PTPN3: variants seen among roughly 807,000 people sequenced by gnomAD.
PTPN3 encodes protein tyrosine phosphatase non-receptor type 3.
PTPN3 carries 96 observed loss-of-function variants against 132.7 expected under a neutral mutation model. The observed-to-expected ratio is 0.72, with a 90% CI of 0.61 to 0.86. The LOEUF (loss-of-function observed/expected upper bound fraction) is 0.86. Among genes scored for constraint, PTPN3 ranks in the 40% least tolerant of loss-of-function variants. The pLI is 0.00. For missense variants in PTPN3, 1,125 were observed against 1,159.6 expected (o/e 0.97, Z 0.43); for synonymous variants, 398 against 429.0 (o/e 0.93, Z 0.89).
Position 109,422,644 on chromosome 9 carries a change from T to C in PTPN3, c.1136+74A>G, listed in dbSNP as rs1009925760. The C allele has an allele frequency of 4.1e-6, 6 of 1,456,484 alleles. No individual in the cohort carries two copies. In the Admixed American group the frequency reaches 1.3e-4, roughly 32 times the overall value. 90.2% of individuals were successfully genotyped at this position (1,456,484 alleles called of 1,614,324 possible). On this transcript the variant is annotated intron_variant, in intron 13 of 25. Coordinates refer to ENST00000374541, the MANE Select transcript of PTPN3 (RefSeq NM_002829.4). ...TCATCTATCTTTAGGAGTTTATAAG[T>C]TGAGTTTTTATTTTTAAAAGAGATA... is the stretch of plus-strand genomic sequence containing the variant.
intron 23 of PTPN3, among the ~76,000 whole-genome samples, chr9:109,382,747 GACTGT>G (rs1159085496): frequency 4.9e-5 from 7 of 143,900 alleles, no homozygotes; most frequent in African/African-American, 1.9e-4. Flanking sequence ...CACACATGCT[GACTGT>G]TTTTTTTTTT....
chr9:109,471,205 T>C (rs1201056655), intron 1 of PTPN3, among the ~76,000 whole-genome samples: 1 of 152,140 alleles, frequency 6.6e-6, no homozygotes, highest in Admixed American at 6.5e-5. Flanking sequence ...TACAGGCCTG[T>C]GCCACCACGC....
intron 1 of PTPN3, among the ~76,000 whole-genome samples, chr9:109,491,288 T>C (rs1326967728): frequency 6.6e-6 from 1 of 152,174 alleles, no homozygotes; most frequent in Admixed American, 6.5e-5. Context: ...AAAATTTGTA[T>C]TGTAGTTACG....
chr9:109,439,058 T>C lies in PTPN3; in HGVS notation c.467-824A>G, dbSNP rs749837967. 1.8e-4 allele frequency among the ~76,000 whole-genome samples: 27 copies of C among 152,110 alleles called. 1 individual carries two copies. Among genetic ancestry groups the C allele is most frequent in the Non-Finnish European group, 1.9e-4 (13 of 68,040 alleles). On this transcript the variant is annotated intron_variant, in intron 7 of 25. Transcript: ENST00000374541. ...CTGTTGTCTGCCAATGTGAATTGAA[T>C]TGTTGATGCCTATGATGTGATGGGC...
In PTPN3 at chr9:109,449,851, G is replaced by A. The variant is rs1329712338; in HGVS notation, c.369-996C>T. Reference sequence around the variant, plus strand: ...ATTCCTTCAAATTTATAAAGGCCAAGGAACTGGCTTTTTGAGATGGGAATG... The same window carrying A: ...ATTCCTTCAAATTTATAAAGGCCAAAGAACTGGCTTTTTGAGATGGGAATG... On this transcript the variant is annotated intron_variant, in intron 5 of 25. Coordinates refer to ENST00000374541, the MANE Select transcript of PTPN3 (RefSeq NM_002829.4). The A allele has an allele frequency of 8.1e-6, 8 of 985,230 alleles. No homozygotes were observed. The African/African-American group carries it at 8.7e-5, about 11-fold the overall frequency. 61.0% of individuals were successfully genotyped at this position (985,230 alleles called of 1,614,324 possible). A position where few individuals can be genotyped will look rare whatever the true frequency, so the allele number is the denominator to read the frequency against.
At chr9:109,496,012 C>T (rs899622727) in intron 1 of PTPN3, among the ~76,000 whole-genome samples, 1 of 152,370 alleles carries the variant, frequency 6.6e-6, no homozygotes, top group South Asian at 2.1e-4. Context: ...ATCTGCCATA[C>T]AGAAGTTCAA....
intron 5 of PTPN3, among the ~76,000 whole-genome samples, chr9:109,454,030 A>G (rs1393587608): frequency 6.6e-6 from 1 of 152,118 alleles, no homozygotes; most frequent in Non-Finnish European, 1.5e-5. Flanking sequence ...AAAAAAAAGA[A>G]AGAAAATTCT....
chr9:109,487,751 T>C (rs1343142774), intron 1 of PTPN3, among the ~76,000 whole-genome samples: 1 of 152,244 alleles, frequency 6.6e-6, no homozygotes, highest in Non-Finnish European at 1.5e-5. Context: ...CTTATTTCTA[T>C]AGTCAGAGAA....
intron 10 of PTPN3, chr9:109,428,954 T>C: frequency 1.0e-6 from 1 of 985,446 alleles, no homozygotes; most frequent in Non-Finnish European, 1.2e-6. Flanking sequence ...CTCTCTTTGC[T>C]ATAAGCTGCT....
chr9:109,511,983 A>T, the PTPN3 span, among the ~76,000 whole-genome samples: 2 of 152,190 alleles, frequency 1.3e-5, no homozygotes, highest in African/African-American at 4.8e-5. Flanking sequence ...AAATGAACAA[A>T]TGGATCTTGG....
intron 5 of PTPN3, chr9:109,450,602 G>A (rs543454272): frequency 2.0e-6 from 2 of 985,118 alleles, no homozygotes; most frequent in African/African-American, 1.7e-5. Context: ...CCGAGCTTGG[G>A]AGACTTCCTA....
rs543836045 is a variant in PTPN3 at position 109,454,363 on chromosome 9, A to T, written c.368+133T>A. ...GTCAGTATGTGCACCCCAGATTTTT[A>T]CTTGGATCATCATTGTTGGTGTAGT... On this transcript the variant is annotated intron_variant, in intron 5 of 25. Coordinates refer to ENST00000374541, the MANE Select transcript of PTPN3 (RefSeq NM_002829.4). 28 of 777,892 alleles carry T rather than the reference A, an allele frequency of 3.6e-5. No individual in the cohort carries two copies. The African/African-American group carries it at 4.3e-4, about 12-fold the overall frequency. The allele number at this position is 777,892 out of a possible 1,614,324, so 48.2% of individuals were successfully genotyped here. A position where few individuals can be genotyped will look rare whatever the true frequency, so the allele number is the denominator to read the frequency against.
chr9:109,451,152 G>A, intron 5 of PTPN3: 1 of 954,892 alleles, frequency 1.0e-6, no homozygotes. Flanking sequence ...AGCTACTCAG[G>A]AGGCTGAGGG....
intron 7 of PTPN3, among the ~76,000 whole-genome samples, chr9:109,438,761 T>C (rs1844239266): frequency 6.6e-6 from 1 of 152,114 alleles, no homozygotes; most frequent in Non-Finnish European, 1.5e-5. Flanking sequence ...TCCCCTGGGA[T>C]TCAGGGAGGT....
intron 1 of PTPN3, among the ~76,000 whole-genome samples, chr9:109,480,045 T>A (rs965891668): frequency 6.6e-6 from 1 of 152,258 alleles, no homozygotes; most frequent in Non-Finnish European, 1.5e-5. Flanking sequence ...TGTCTCATTG[T>A]GGCTTTACTT....
At chr9:109,397,903 CTGA>C (rs997622255) in intron 19 of PTPN3, 1 of 152,192 alleles carries the variant, frequency 6.6e-6, no homozygotes, top group Non-Finnish European at 1.5e-5. Context: ...ACACATTATA[CTGA>C]TGATGTTTTC....
At chr9:109,470,021 G>C (rs1564471241) in intron 1 of PTPN3, among the ~76,000 whole-genome samples, 1 of 151,688 alleles carries the variant, frequency 6.6e-6, no homozygotes, top group Admixed American at 6.6e-5. Flanking sequence ...ATGAACTCAG[G>C]AAAGCGCCTT....
the PTPN3 span, among the ~76,000 whole-genome samples, chr9:109,511,729 C>T: frequency 6.6e-6 from 1 of 152,176 alleles, no homozygotes. Flanking sequence ...TTGTCATTTT[C>T]AGCCACTAAG....
chr9:109,449,005 T>C, intron 5 of PTPN3, 150 bp from the exon 6 acceptor site: 2 of 1,439,494 alleles, frequency 1.4e-6, no homozygotes, highest in Non-Finnish European at 1.8e-6. Flanking sequence ...GGTGCTACCT[T>C]ACGCTCTGCA....
Sources: allele counts gnomAD v4.1 joint callset (sites outside exome capture counted in the v4.1 genomes callset), GRCh38; gene constraint gnomAD v4.1.1; transcripts MANE v1.5; gene names NCBI Gene and HGNC (gene_info 2026-07-23, HGNC 2026-07-21).